Variants in SPSB1 observed in about 807,000 individuals in gnomAD.
The protein encoded by SPSB1 is SPRY domain-containing SOCS box protein 1.
A neutral mutation model predicts 21.2 loss-of-function variants in SPSB1; 8 were observed. The observed-to-expected ratio is 0.38, with a 90% confidence interval of 0.22 to 0.68. The LOEUF is 0.68. SPSB1 is among the 30% of genes least tolerant of loss of function. SPSB1 has a pLI of 0.53. For missense variants in SPSB1, 242 were observed against 377.8 expected, an observed-to-expected ratio of 0.64 and a Z score of 2.98; for synonymous variants, 169 against 161.7, an observed-to-expected ratio of 1.05 and a Z score of -0.34.
At chr1:9,297,263 G>A (rs550122323) in intron 1 of SPSB1, among the ~76,000 whole-genome samples, 1 of 152,320 alleles carries the variant, frequency 6.6e-6, no homozygotes, top group Admixed American at 6.5e-5. Context: ...AACTAGGGAG[G>A]CATTGGGTGA....
At chr1:9,337,700 A>G (rs1640026518) in intron 1 of SPSB1, among the ~76,000 whole-genome samples, 1 of 152,142 alleles carries the variant, frequency 6.6e-6, no homozygotes, top group African/African-American at 2.4e-5. Flanking sequence ...CTCCCTGGCC[A>G]CCGGGGCCCT....
chr1:9,349,695 G>T (rs1640219886), intron 1 of SPSB1, among the ~76,000 whole-genome samples: 1 of 152,254 alleles, frequency 6.6e-6, no homozygotes, highest in Non-Finnish European at 1.5e-5. Context: ...CAGATGAGAT[G>T]CAGCTGTCTT....
At chr1:9,344,966 C>G (rs1372915474) in intron 1 of SPSB1, among the ~76,000 whole-genome samples, 1 of 152,210 alleles carries the variant, frequency 6.6e-6, no homozygotes, top group Non-Finnish European at 1.5e-5. Flanking sequence ...CCATTCAGGC[C>G]TTGGCACCCT....
At chr1:9,350,801 G>A (rs1447271263) in intron 1 of SPSB1, among the ~76,000 whole-genome samples, 6 of 152,240 alleles carry the variant, frequency 3.9e-5, no homozygotes, top group Admixed American at 6.5e-5. Context: ...ATGCTTCTGT[G>A]GCACTGCTGG....
At chr1:9,320,794 G>T (rs150526150) in intron 1 of SPSB1, among the ~76,000 whole-genome samples, 2 of 152,128 alleles carry the variant, frequency 1.3e-5, no homozygotes, top group East Asian at 1.9e-4. Context: ...TTGTTTCCTC[G>T]TGGGGGATTT....
At position 9,322,889 on chromosome 1, in the gene SPSB1, C is replaced by T. The variant is rs139033256; in HGVS notation, c.-150+29818C>T. Among the ~76,000 whole-genome samples, 5 of 151,468 alleles carry T rather than the reference C, an allele frequency of 3.3e-5. No individual in the cohort carries two copies. In the East Asian group the frequency reaches 9.8e-4, roughly 30 times the overall value. On this transcript the variant is annotated intron_variant, in intron 1 of 2. Coordinates refer to ENST00000328089, the MANE Select transcript of SPSB1 (RefSeq NM_025106.4). ...CACCCACCCCACCCGCCCGGACGCT[C>T]TTCTCAGCCCCTTTTTTTGTTGTCT... is the stretch of plus-strand genomic sequence containing the variant.
rs558654587 is a variant in SPSB1, at chr1:9,299,079, A to G, written c.-150+6008A>G. On this transcript the variant is annotated intron_variant, in intron 1 of 2. Coordinates refer to ENST00000328089, the MANE Select transcript of SPSB1 (RefSeq NM_025106.4). ...CCTGTGCAGAAGACAGATGGACTTTAGAAACTGATAGTGGATTATTGTAAA... is the reference window on the plus strand; with the variant it reads ...CCTGTGCAGAAGACAGATGGACTTTGGAAACTGATAGTGGATTATTGTAAA... Among the ~76,000 whole-genome samples, 546 of 152,368 alleles carry G rather than the reference A, an allele frequency of 3.6e-3. 5 individuals are homozygous for G. Among genetic ancestry groups the G allele is most frequent in the African/African-American group, 0.012 (517 of 41,590 alleles).
At position 9,321,048 on chromosome 1, in the gene SPSB1, G is replaced by A. The variant is rs1051841250; in HGVS notation, c.-150+27977G>A. 6.6e-6 allele frequency among the ~76,000 whole-genome samples: 1 copy of A among 152,164 alleles called. No homozygotes were observed. Among genetic ancestry groups the A allele is most frequent in the Non-Finnish European group, 1.5e-5 (1 of 68,036 alleles). On this transcript the variant is annotated intron_variant, in intron 1 of 2. Transcript: ENST00000328089. This position sits in a 1 kb window ranked among gnomAD's most constrained non-coding sequence, Gnocchi z 4.8. ...GTGCGGGGGATTCTGGCTGGAAAAG[G>A]CAGCCGTGTAATTACAGGTACTGGA...
chr1:9,359,878 C>G (rs946793424), intron 2 of SPSB1, among the ~76,000 whole-genome samples: 2 of 150,904 alleles, frequency 1.3e-5, no homozygotes, highest in Non-Finnish European at 3.0e-5. Flanking sequence ...CGGCCCGGTT[C>G]CGGGACTCTT....
chr1:9,347,045 T>C (rs2075971), intron 1 of SPSB1, among the ~76,000 whole-genome samples: 43,727 of 152,158 alleles, frequency 0.29, 6,815 homozygotes, highest in African/African-American at 0.42. Flanking sequence ...AGGCTGGGCA[T>C]GGTGGCTCAC....
At chr1:9,327,145 G>A (rs1639828734) in intron 1 of SPSB1, among the ~76,000 whole-genome samples, 1 of 152,160 alleles carries the variant, frequency 6.6e-6, no homozygotes, top group Non-Finnish European at 1.5e-5. Flanking sequence ...CAGCGCTTCC[G>A]GGGGTCCCAG....
chr1:9,346,042 A>T lies in SPSB1; in HGVS notation c.-149-9701A>T, dbSNP rs1640162410. 6.6e-6 allele frequency among the ~76,000 whole-genome samples: 1 copy of T among 152,108 alleles called. No individual in the cohort carries two copies. The highest frequency in any genetic ancestry group is 1.5e-5 in the Non-Finnish European group (1 of 68,018). On this transcript the variant is annotated intron_variant, in intron 1 of 2. Coordinates refer to ENST00000328089, the MANE Select transcript of SPSB1 (RefSeq NM_025106.4). This position sits in a 1 kb window ranked among gnomAD's most constrained non-coding sequence, Gnocchi z 4.4. Reference sequence around the variant, plus strand: ...AGTGTCCCTGCCACTCATGCTCAGGATGCTGGAGGGAGCACAGAACCCCAG... The same window carrying T: ...AGTGTCCCTGCCACTCATGCTCAGGTTGCTGGAGGGAGCACAGAACCCCAG...
At chr1:9,355,561 CAGCT>C (rs1640348043) in intron 1 of SPSB1, 178 bp from the exon 2 acceptor site, 2 of 554,502 alleles carry the variant, frequency 3.6e-6, no homozygotes, top group Non-Finnish European at 4.9e-6. Flanking sequence ...TCCTTTGTGA[CAGCT>C]AGCCAGGGAA....
chr1:9,325,362 T>A (rs1037557196), intron 1 of SPSB1, among the ~76,000 whole-genome samples: 13 of 152,162 alleles, frequency 8.5e-5, no homozygotes, highest in Admixed American at 3.3e-4. Flanking sequence ...GAGTGAGTTC[T>A]CAATGAATGA....
At chr1:9,303,054 T>C (rs1344588737) in intron 1 of SPSB1, among the ~76,000 whole-genome samples, 1 of 152,160 alleles carries the variant, frequency 6.6e-6, no homozygotes, top group Non-Finnish European at 1.5e-5. Flanking sequence ...GGGCTCCCTG[T>C]GCCTCTGGGT....
At chr1:9,318,213 C>T (rs757169815) in intron 1 of SPSB1, among the ~76,000 whole-genome samples, 18 of 152,210 alleles carry the variant, frequency 1.2e-4, no homozygotes, top group Non-Finnish European at 2.1e-4. Flanking sequence ...CCCATGATGC[C>T]CCCAGATCCT....
Position 9,367,805 on chromosome 1 carries a change from C to T in SPSB1, c.*230C>T, listed in dbSNP as rs1031984893. On this transcript the variant is annotated 3_prime_UTR_variant, in exon 3 of 3. Transcript: ENST00000328089. This position sits in a 1 kb window ranked among gnomAD's most constrained non-coding sequence, Gnocchi z 5.9. ...AGCAGAAGGCAGCATCCCTGCATGC[C>T]GTCCGTATACAACCCCTCTTTGAAA... The T allele has an allele frequency of 9.6e-6, 6 of 623,600 alleles. No individual in the cohort carries two copies. Among genetic ancestry groups the T allele is most frequent in the Admixed American group, 3.1e-5 (1 of 32,462 alleles). 38.6% of individuals were successfully genotyped at this position (623,600 alleles called of 1,614,324 possible). A position where few individuals can be genotyped will look rare whatever the true frequency, so the allele number is the denominator to read the frequency against.
intron 1 of SPSB1, among the ~76,000 whole-genome samples, chr1:9,314,305 TCCTC>T (rs2100474451): frequency 6.6e-6 from 1 of 151,960 alleles, no homozygotes; most frequent in South Asian, 2.1e-4. Context: ...ACTGAATCCT[TCCTC>T]CCTCCCGCTC....
chr1:9,316,980 C>T (rs59100551), intron 1 of SPSB1, among the ~76,000 whole-genome samples: 3,114 of 152,312 alleles, frequency 0.02, 107 homozygotes, highest in African/African-American at 0.068. Context: ...CGTAGCAGGG[C>T]CAGGCCTCAC....
Sources: gnomAD v4.1 joint callset for allele counts (sites outside exome capture counted in the v4.1 genomes callset) on GRCh38, gnomAD v4.1.1 for gene constraint, Gnocchi (gnomAD v3.1) non-coding constraint, MANE v1.5 for transcripts, NCBI Gene and HGNC (gene_info 2026-07-23, HGNC 2026-07-21) for gene names.